The following MEI4 variants were observed in gnomAD, a reference collection of about 807,000 sequenced individuals.
MEI4 encodes meiotic double-stranded break formation protein 4.
A neutral mutation model predicts 31.4 loss-of-function variants in MEI4; 27 were observed. The ratio of observed to expected loss-of-function variants is 0.86; its 90% CI spans 0.63 to 1.19. The LOEUF is 1.19. Ranked by LOEUF, MEI4 falls within the 50% of genes most tolerant of loss-of-function variation. The probability of loss-of-function intolerance (pLI) is 0.00; values close to 1 mark genes in which losing one functional copy is unlikely to be tolerated. For synonymous variants in MEI4, 122 were observed against 145.4 expected, an observed-to-expected ratio of 0.84 and a Z score of 1.16; for missense variants, 329 against 398.9, an observed-to-expected ratio of 0.82 and a Z score of 1.49.
At chr6:77,708,236 G>GGA (rs1766374568) in intron 2 of MEI4, among the ~76,000 whole-genome samples, 1 of 152,220 alleles carries the variant, frequency 6.6e-6, no homozygotes, top group Admixed American at 6.5e-5. Context: ...CCTTACACCA[G>GGA]TATGTCATGG....
chr6:77,683,759 CA>C (rs1443080105), intron 1 of MEI4, among the ~76,000 whole-genome samples: 1 of 152,144 alleles, frequency 6.6e-6, no homozygotes, highest in Non-Finnish European at 1.5e-5. Flanking sequence ...TTCATTATTA[CA>C]TATTTTTCTT....
rs544807616 is a variant in MEI4 at position 77,916,887 on chromosome 6, T to C, written c.901-6202T>C. Among the ~76,000 whole-genome samples the C allele has an allele frequency of 2.1e-3, 317 of 151,788 alleles. 5 individuals carry two copies. The highest frequency in any genetic ancestry group is 7.4e-3 in the African/African-American group (307 of 41,374). ...GCACCCACTAACTCGTCATCTAGCA[T>C]TAGGTATATCTCCCAATGCTATCCC... On this transcript the variant is annotated intron_variant, in intron 4 of 4. Coordinates refer to ENST00000684080, the MANE Select transcript of MEI4 (RefSeq NM_001322247.2).
At chr6:77,728,201 C>G (rs1036382822) in intron 2 of MEI4, among the ~76,000 whole-genome samples, 1 of 152,026 alleles carries the variant, frequency 6.6e-6, no homozygotes, top group Non-Finnish European at 1.5e-5. Flanking sequence ...TTTTTCAATA[C>G]AATAATGAAG....
intron 3 of MEI4, among the ~76,000 whole-genome samples, chr6:77,828,723 T>G (rs769169150): frequency 3.9e-5 from 6 of 152,202 alleles, no homozygotes; most frequent in Non-Finnish European, 8.8e-5. Flanking sequence ...GCACCCTGTT[T>G]CATGTTTCAA....
At chr6:77,804,148 T>C in intron 3 of MEI4, among the ~76,000 whole-genome samples, 1 of 152,120 alleles carries the variant, frequency 6.6e-6, no homozygotes, top group East Asian at 1.9e-4. Flanking sequence ...TGGCTTTGTT[T>C]ACCTACTCAA....
At chr6:77,898,214 T>G (rs1000865968) in intron 4 of MEI4, among the ~76,000 whole-genome samples, 1 of 152,002 alleles carries the variant, frequency 6.6e-6, no homozygotes, top group Non-Finnish European at 1.5e-5. Context: ...AAATGGCTCA[T>G]AGAGAGTTAA....
intron 4 of MEI4, among the ~76,000 whole-genome samples, chr6:77,883,061 G>C (rs1581949158): frequency 6.6e-6 from 1 of 152,080 alleles, no homozygotes; most frequent in South Asian, 2.1e-4. Flanking sequence ...ACAAGTATCG[G>C]TTAAGTAAAT....
chr6:77,759,794 G>A (rs1009681051), intron 2 of MEI4, among the ~76,000 whole-genome samples: 11 of 151,962 alleles, frequency 7.2e-5, no homozygotes, highest in African/African-American at 2.4e-4. Context: ...TCAGTTGATC[G>A]CTCAATGTTT....
chr6:77,658,771 A>C (rs913578336), intron 1 of MEI4, among the ~76,000 whole-genome samples: 1 of 152,218 alleles, frequency 6.6e-6, no homozygotes, highest in Non-Finnish European at 1.5e-5. Context: ...TAAAAGAAGA[A>C]GAAAAATGGG....
intron 3 of MEI4, among the ~76,000 whole-genome samples, chr6:77,767,507 C>T (rs900862091): frequency 3.3e-5 from 5 of 152,138 alleles, no homozygotes; most frequent in Non-Finnish European, 7.4e-5. Context: ...CCATCCTTGG[C>T]AACATGGTGA....
At chr6:77,697,650 G>T (rs933476295) in intron 2 of MEI4, among the ~76,000 whole-genome samples, 3 of 152,190 alleles carry the variant, frequency 2.0e-5, no homozygotes, top group African/African-American at 4.8e-5. Context: ...TATAATTTCT[G>T]ATCTTTTACA....
chr6:77,806,582 T>C (rs373807999), intron 3 of MEI4, among the ~76,000 whole-genome samples: 5 of 152,264 alleles, frequency 3.3e-5, no homozygotes, highest in South Asian at 2.1e-4. Context: ...TAATAAGTAT[T>C]GAACCAATGA....
chr6:77,859,842 C>T (rs1193557510), intron 4 of MEI4, among the ~76,000 whole-genome samples: 1 of 152,132 alleles, frequency 6.6e-6, no homozygotes, highest in Non-Finnish European at 1.5e-5. Flanking sequence ...AAGCTCTGTC[C>T]ACCTGGGCAC....
chr6:77,652,374 G>C (rs1008003882), upstream of MEI4, among the ~76,000 whole-genome samples: 4 of 152,172 alleles, frequency 2.6e-5, no homozygotes, highest in Non-Finnish European at 4.4e-5. Context: ...AATAGAATGG[G>C]GGTTTGCAAG....
At chr6:77,894,375 G>C (rs1365822612) in intron 4 of MEI4, among the ~76,000 whole-genome samples, 1 of 151,982 alleles carries the variant, frequency 6.6e-6, no homozygotes, top group Non-Finnish European at 1.5e-5. Context: ...GGTAAATGGT[G>C]ATTGATTGTA....
At chr6:77,771,784 G>A (rs1456918820) in intron 3 of MEI4, among the ~76,000 whole-genome samples, 2 of 151,946 alleles carry the variant, frequency 1.3e-5, no homozygotes, top group Non-Finnish European at 2.9e-5. Context: ...GGATCCTACT[G>A]TATGGTGGTT....
intron 1 of MEI4, among the ~76,000 whole-genome samples, 190 bp from the exon 2 acceptor site, chr6:77,690,468 G>A (rs1056088507): frequency 6.6e-6 from 1 of 151,878 alleles, no homozygotes; most frequent in Non-Finnish European, 1.5e-5. Context: ...ATATGCATGT[G>A]TGTGTATTTT....
chr6:77,788,280 G>C (rs1041256444), intron 3 of MEI4, among the ~76,000 whole-genome samples: 2 of 152,052 alleles, frequency 1.3e-5, no homozygotes, highest in South Asian at 2.1e-4. Context: ...TCTATGAGAA[G>C]CCCACAGCCA....
intron 3 of MEI4, among the ~76,000 whole-genome samples, chr6:77,826,117 C>A (rs542344510): frequency 6.6e-6 from 1 of 152,090 alleles, no homozygotes; most frequent in Non-Finnish European, 1.5e-5. Context: ...TTCACTTGAT[C>A]CCAGTTTTGT....
Sources: allele counts gnomAD v4.1 joint callset (sites outside exome capture counted in the v4.1 genomes callset), GRCh38; gene constraint gnomAD v4.1.1; transcripts MANE v1.5; gene names NCBI Gene and HGNC (gene_info 2026-07-23, HGNC 2026-07-21).